The following ADARB2 variants were observed in gnomAD, a reference collection of about 807,000 sequenced individuals.
The protein encoded by ADARB2 is adenosine deaminase RNA specific B2 (inactive).
Under a neutral mutation model 62.2 loss-of-function variants are expected in ADARB2, and 25 were observed. The observed-to-expected ratio is 0.40, with a 90% CI of 0.29 to 0.56. The LOEUF is 0.56. ADARB2 is among the 20% of genes least tolerant of loss of function. The probability of loss-of-function intolerance (pLI) is 0.43; values close to 1 mark genes in which losing one functional copy is unlikely to be tolerated. For missense variants in ADARB2, 1,071 were observed against 1,077.4 expected (o/e 0.99, Z 0.08); for synonymous variants, 572 against 500.8 (o/e 1.14, Z -1.90).
intron 1 of ADARB2, among the ~76,000 whole-genome samples, chr10:1,618,000 G>T (rs555496615): frequency 3.9e-5 from 6 of 152,296 alleles, no homozygotes; most frequent in East Asian, 1.9e-4. Context: ...CCCTAAGGCT[G>T]CATCTCCCCG....
chr10:1,628,484 C>T (rs535964275), intron 1 of ADARB2, among the ~76,000 whole-genome samples: 5 of 152,314 alleles, frequency 3.3e-5, no homozygotes, highest in Admixed American at 3.3e-4. Context: ...ATGAGAATGA[C>T]ACAGATATTA....
chr10:1,703,743 T>C (rs2119143732), intron 1 of ADARB2, among the ~76,000 whole-genome samples: 1 of 152,346 alleles, frequency 6.6e-6, no homozygotes, highest in East Asian at 1.9e-4. Context: ...CAATGGTCAT[T>C]GTATCTGGGA....
At chr10:1,462,583 G>A (rs1383107661) in intron 1 of ADARB2, among the ~76,000 whole-genome samples, 1 of 152,038 alleles carries the variant, frequency 6.6e-6, no homozygotes, top group Non-Finnish European at 1.5e-5. Flanking sequence ...CTGTGTGTAT[G>A]TACATGAGTG....
intron 1 of ADARB2, among the ~76,000 whole-genome samples, chr10:1,542,870 C>T (rs1361941835): frequency 6.9e-6 from 1 of 144,592 alleles, no homozygotes; most frequent in Non-Finnish European, 1.5e-5. Flanking sequence ...AGATGTAGTT[C>T]AGACCCTGGA....
At chr10:1,407,073 A>G (rs1832713296) in intron 1 of ADARB2, among the ~76,000 whole-genome samples, 1 of 152,162 alleles carries the variant, frequency 6.6e-6, no homozygotes, top group Non-Finnish European at 1.5e-5. Context: ...TATTTTTACG[A>G]CCTTGCATTA....
At position 1,184,969 on chromosome 10, in the gene ADARB2, G is replaced by A. The variant is rs764627297; in HGVS notation, c.1935C>T (p.Ser645=). ...PPFSMNWVVG[S]ADLEIINATT... is the part of the protein sequence containing the mutation. The stretch of plus-strand genomic sequence containing the variant: ...TGGCGTTGATAATCTCCAGGTCCGC[G>A]CTGCCCACGACCCAGTTCATGCTGA... The change falls in exon 9 of 10, where the codon AGC becomes AGT. Residue 645 remains serine, a synonymous_variant. Transcript: ENST00000381312. The A allele has an allele frequency of 1.1e-5, 18 of 1,613,834 alleles. No homozygotes were observed. Among genetic ancestry groups the A allele is most frequent in the South Asian group, 1.1e-4 (10 of 91,084 alleles).
At chr10:1,539,171 C>T (rs1285713991) in intron 1 of ADARB2, among the ~76,000 whole-genome samples, 1 of 152,228 alleles carries the variant, frequency 6.6e-6, no homozygotes, top group African/African-American at 2.4e-5. Flanking sequence ...CAAAGCCGGC[C>T]TTAGGATGTA....
intron 7 of ADARB2, among the ~76,000 whole-genome samples, chr10:1,207,269 C>G (rs1242709363): frequency 6.6e-6 from 1 of 152,222 alleles, no homozygotes; most frequent in Non-Finnish European, 1.5e-5. Flanking sequence ...TTGCTTGAAC[C>G]TGGGAGGCAG....
At chr10:1,241,935 T>C (rs1261776438) in intron 5 of ADARB2, among the ~76,000 whole-genome samples, 196 bp downstream of exon 5, 1 of 152,194 alleles carries the variant, frequency 6.6e-6, no homozygotes, top group Non-Finnish European at 1.5e-5. Context: ...AATTTTAGCA[T>C]CTTCCCAGCG....
Position 1,363,798 on chromosome 10 carries a change from C to T in ADARB2, c.307G>A (p.Glu103Lys). The change falls in exon 3 of 10, where the codon GAG becomes AAG. Residue 103 changes from glutamate (E) to lysine (K), a missense_variant. Physicochemically the swap from Glu to Lys is moderately conservative, Grantham distance 56. Transcript: ENST00000381312. ...CACAAGTGGCCCCCATTCCCCTCCTCCAGCGGCCGCTTCCTCTTCGCGCCG... is the reference window on the plus strand; with the variant it reads ...CACAAGTGGCCCCCATTCCCCTCCTTCAGCGGCCGCTTCCTCTTCGCGCCG... ...APGAKRKRPL[E>K]EGNGGHLCKL... is the part of the protein sequence containing the mutation. 6.3e-7 allele frequency: 1 copy of T among 1,597,494 alleles called. No individual in the cohort carries two copies. Among genetic ancestry groups the T allele is most frequent in the Non-Finnish European group, 8.5e-7 (1 of 1,178,822 alleles).
Position 1,659,462 on chromosome 10 carries a change from A to G in ADARB2, c.100+77589T>C, listed in dbSNP as rs372514786. 5.8e-4 allele frequency among the ~76,000 whole-genome samples: 89 copies of G among 152,348 alleles called. 3 individuals are homozygous for G. The South Asian group carries it at 0.017, about 29-fold the overall frequency. On this transcript the variant is annotated intron_variant, in intron 1 of 9. Coordinates refer to ENST00000381312, the MANE Select transcript of ADARB2 (RefSeq NM_018702.4). ...AACTGACTAAAACGTGCACAGAAACACGATTCAGACAGTGGGAGCGGGGTG... is the reference window on the plus strand; with the variant it reads ...AACTGACTAAAACGTGCACAGAAACGCGATTCAGACAGTGGGAGCGGGGTG...
intron 8 of ADARB2, among the ~76,000 whole-genome samples, chr10:1,195,509 C>T (rs929787901): frequency 6.6e-5 from 10 of 150,448 alleles, no homozygotes; most frequent in African/African-American, 2.4e-4. Context: ...TGGGAGAGCA[C>T]ATCTAGGCAG....
intron 1 of ADARB2, among the ~76,000 whole-genome samples, chr10:1,402,974 C>T (rs546515588): frequency 9.2e-5 from 14 of 152,348 alleles, no homozygotes; most frequent in African/African-American, 3.1e-4. Flanking sequence ...GTGTTTGTTC[C>T]GTGAGGGGCA....
intron 4 of ADARB2, among the ~76,000 whole-genome samples, chr10:1,244,913 G>C (rs1464467358): frequency 1.3e-5 from 2 of 152,240 alleles, no homozygotes; most frequent in Non-Finnish European, 2.9e-5. Context: ...GCCCGTAGGA[G>C]ATGTGTGTGG....
intron 1 of ADARB2, among the ~76,000 whole-genome samples, chr10:1,589,283 G>A (rs891068285): frequency 8.5e-5 from 13 of 152,352 alleles, no homozygotes; most frequent in African/African-American, 2.4e-4. Context: ...AGGGGAGAAC[G>A]TATGGTGGAA....
At chr10:1,319,334 A>G (rs1831774213) in intron 3 of ADARB2, among the ~76,000 whole-genome samples, 1 of 152,234 alleles carries the variant, frequency 6.6e-6, no homozygotes, top group African/African-American at 2.4e-5. Context: ...ATAGCACAGA[A>G]GAGCAAACAT....
chr10:1,516,753 G>A (rs1040945264), intron 1 of ADARB2, among the ~76,000 whole-genome samples: 2 of 152,222 alleles, frequency 1.3e-5, no homozygotes, highest in South Asian at 4.1e-4. Context: ...CAGAGATGGG[G>A]GAAAATGAGT....
intron 1 of ADARB2, among the ~76,000 whole-genome samples, chr10:1,519,563 G>A (rs746439650): frequency 6.6e-6 from 1 of 152,132 alleles, no homozygotes; most frequent in East Asian, 1.9e-4. Flanking sequence ...CATCATCCCC[G>A]GTGCCCTACT....
At chr10:1,453,174 A>G (rs1026397386) in intron 1 of ADARB2, among the ~76,000 whole-genome samples, 2 of 152,220 alleles carry the variant, frequency 1.3e-5, no homozygotes, top group African/African-American at 4.8e-5. Context: ...ACGTTAGACA[A>G]GGCAGCTCTT....
Sources: allele counts gnomAD v4.1 joint callset (sites outside exome capture counted in the v4.1 genomes callset), GRCh38; gene constraint gnomAD v4.1.1; transcripts MANE v1.5; gene names NCBI Gene and HGNC (gene_info 2026-07-23, HGNC 2026-07-21).